SLCO5A1: variants seen among roughly 807,000 people sequenced by gnomAD.
The protein encoded by SLCO5A1 is solute carrier organic anion transporter family member 5A1, also known as organic anion transporter polypeptide-related protein 4.
In SLCO5A1, 39 loss-of-function variants were observed where a neutral mutation model predicts 65.1. The observed-to-expected ratio is 0.60, with a 90% CI of 0.46 to 0.78. SLCO5A1 has a LOEUF of 0.78. SLCO5A1 is among the 30% of genes least tolerant of loss of function. The pLI is 0.00. For missense variants in SLCO5A1, 1,029 were observed against 1,069.4 expected (o/e 0.96, Z 0.53); for synonymous variants, 438 against 415.7 (o/e 1.05, Z -0.65).
rs759313370 is a variant in SLCO5A1, at chr8:69,679,404, T to C, written c.1998A>G (p.Gln666=). Residue 666 remains glutamine, a synonymous_variant, in exon 8 of 10, where the codon CAA becomes CAG. Transcript: ENST00000260126. ...FIVTFITACA[Q]PSAIIVTLRS... ...TGAGTGTTACTATGATAGCTGATGG[T>C]TGGGCACATGCTGTGATGAAGGTGA... 1 of 1,614,192 alleles carries C rather than the reference T, an allele frequency of 6.2e-7. No individual in the cohort carries two copies. The highest frequency in any genetic ancestry group is 8.5e-7 in the Non-Finnish European group (1 of 1,180,030).
At chr8:69,798,965 C>T (rs1819619078) in intron 2 of SLCO5A1, among the ~76,000 whole-genome samples, 1 of 152,164 alleles carries the variant, frequency 6.6e-6, no homozygotes, top group Admixed American at 6.5e-5. Flanking sequence ...ACTTGCTTGT[C>T]TATATATTGC....
At chr8:69,722,516 A>T (rs1410140498) in intron 5 of SLCO5A1, among the ~76,000 whole-genome samples, 1 of 152,202 alleles carries the variant, frequency 6.6e-6, no homozygotes, top group Non-Finnish European at 1.5e-5. Context: ...TGTATAAGGA[A>T]ACTAAGATAC....
At chr8:69,798,752 T>C (rs1586812809) in intron 2 of SLCO5A1, among the ~76,000 whole-genome samples, 2 of 152,142 alleles carry the variant, frequency 1.3e-5, no homozygotes, top group Admixed American at 6.5e-5. Context: ...TTCTCAACCT[T>C]TGAACAATGT....
In SLCO5A1 at chr8:69,834,950, T is replaced by A. The variant is rs1821368014; in HGVS notation, c.-593A>T. Reference sequence around the variant, plus strand: ...TTGGGAGCCGCGTGAGGAGGCAGCCTCCGTCCAGCCGAAGAGAAATCAGTG... The same window carrying A: ...TTGGGAGCCGCGTGAGGAGGCAGCCACCGTCCAGCCGAAGAGAAATCAGTG... On this transcript the variant is annotated 5_prime_UTR_variant, in exon 1 of 10. Transcript: ENST00000260126. The A allele has an allele frequency of 6.6e-6, 1 of 152,566 alleles. No homozygotes were observed. Among genetic ancestry groups the A allele is most frequent in the Admixed American group, 6.5e-5 (1 of 15,282 alleles). The allele number at this position is 152,566 out of a possible 1,614,324, so 9.5% of individuals were successfully genotyped here.
At chr8:69,778,146 G>A (rs747403200) in intron 2 of SLCO5A1, among the ~76,000 whole-genome samples, 25 of 151,998 alleles carry the variant, frequency 1.6e-4, no homozygotes, top group Non-Finnish European at 2.5e-4. Flanking sequence ...AGTTCTATAC[G>A]AGGTTTTAGG....
intron 2 of SLCO5A1, among the ~76,000 whole-genome samples, chr8:69,762,488 G>T (rs1817844835): frequency 6.6e-6 from 1 of 151,756 alleles, no homozygotes; most frequent in Non-Finnish European, 1.5e-5. Context: ...ACCCGGCCCT[G>T]TTTTTTAATA....
intron 2 of SLCO5A1, among the ~76,000 whole-genome samples, chr8:69,769,130 ACATG>A (rs1818204926): frequency 3.3e-5 from 5 of 152,172 alleles, no homozygotes; most frequent in African/African-American, 1.2e-4. Flanking sequence ...TCAGTGACCC[ACATG>A]GGCTACACTC....
chr8:69,731,020 T>G (rs1408922189), intron 5 of SLCO5A1, among the ~76,000 whole-genome samples: 1 of 151,400 alleles, frequency 6.6e-6, no homozygotes, highest in Admixed American at 6.6e-5. Flanking sequence ...TTTTTTGAGA[T>G]GAAGTCTGGC....
Position 69,831,970 on chromosome 8 carries a change from C to A in SLCO5A1, c.704G>T (p.Gly235Val), listed in dbSNP as rs1351553440. The A allele has an allele frequency of 1.9e-6, 3 of 1,592,990 alleles. No homozygotes were observed. The highest frequency in any genetic ancestry group is 4.5e-5 in the East Asian group (2 of 44,800). Residue 235 changes from glycine (G) to valine (V), a missense_variant, in exon 2 of 10, where the codon GGC becomes GTC. Gly to Val is a moderately radical substitution (Grantham distance 109, BLOSUM62 -3). This residue lies in a region of SLCO5A1 where 647 missense variants were observed against 647.5 expected (regional missense o/e 1.00). Transcript: ENST00000260126. ...QELNASAPND[G>V]LCQGGNSTAT... ...GGTGGAGTTGCCACCCTGACACAGGCCGTCGTTGGGGGCCGAGGCGTTCAA... is the reference window on the plus strand; with the variant it reads ...GGTGGAGTTGCCACCCTGACACAGGACGTCGTTGGGGGCCGAGGCGTTCAA...
intron 6 of SLCO5A1, among the ~76,000 whole-genome samples, chr8:69,691,390 T>G (rs1415936679): frequency 6.6e-6 from 1 of 152,208 alleles, no homozygotes; most frequent in Admixed American, 6.5e-5. Flanking sequence ...AAGTTTTAAG[T>G]GTACAATACA....
chr8:69,784,950 GA>G (rs1406393405), intron 2 of SLCO5A1, among the ~76,000 whole-genome samples: 1 of 121,002 alleles, frequency 8.3e-6, no homozygotes, highest in South Asian at 2.6e-4. Context: ...AAGAAAGAAA[GA>G]AGAAAGGAAG....
intron 5 of SLCO5A1, chr8:69,713,716 C>T (rs1815383239): frequency 6.6e-6 from 1 of 152,194 alleles, no homozygotes; most frequent in Non-Finnish European, 1.5e-5. Flanking sequence ...CATGGTGCAT[C>T]TTGCCAGCAA....
chr8:69,744,068 C>G (rs1479105399), intron 4 of SLCO5A1, among the ~76,000 whole-genome samples: 2 of 152,160 alleles, frequency 1.3e-5, no homozygotes, highest in Non-Finnish European at 2.9e-5. Context: ...AGCCTTGCAC[C>G]AGAACCCCAG....
chr8:69,762,201 T>TCTTTC (rs1817827086), intron 2 of SLCO5A1, among the ~76,000 whole-genome samples: 3 of 129,288 alleles, frequency 2.3e-5, no homozygotes, highest in Admixed American at 8.2e-5. Flanking sequence ...TTTCTTTCTT[T>TCTTTC]TTTGAGACAG....
intron 2 of SLCO5A1, among the ~76,000 whole-genome samples, chr8:69,771,693 CT>C (rs2130874062): frequency 6.6e-6 from 1 of 152,292 alleles, no homozygotes; most frequent in East Asian, 1.9e-4. Flanking sequence ...CCAGAGGTCT[CT>C]GTCACTGCTG....
At chr8:69,771,286 A>G (rs1483208209) in intron 2 of SLCO5A1, among the ~76,000 whole-genome samples, 1 of 152,156 alleles carries the variant, frequency 6.6e-6, no homozygotes. Flanking sequence ...GCCCCACCTG[A>G]TCTTACATCA....
intron 3 of SLCO5A1, among the ~76,000 whole-genome samples, chr8:69,757,896 C>T (rs905996311): frequency 2.6e-4 from 39 of 152,122 alleles, no homozygotes; most frequent in Non-Finnish European, 1.6e-4. Flanking sequence ...CTCCAGAAGA[C>T]GGCAGGCAGT....
At chr8:69,693,558 G>A (rs561914940) in intron 6 of SLCO5A1, among the ~76,000 whole-genome samples, 10 of 152,158 alleles carry the variant, frequency 6.6e-5, no homozygotes, top group African/African-American at 2.4e-4. Context: ...CAAAAGTATT[G>A]CAGCATTGCA....
chr8:69,738,482 T>G (rs1816661670), intron 4 of SLCO5A1, among the ~76,000 whole-genome samples: 1 of 152,152 alleles, frequency 6.6e-6, no homozygotes, highest in Non-Finnish European at 1.5e-5. Flanking sequence ...ACCCAACTGA[T>G]AGTTCCTGTT....
Sources: allele counts gnomAD v4.1 joint callset (sites outside exome capture counted in the v4.1 genomes callset), GRCh38; gene constraint gnomAD v4.1.1; regional missense constraint gnomAD v4.1.1; transcripts MANE v1.5; gene names NCBI Gene and HGNC (gene_info 2026-07-23, HGNC 2026-07-21).